The following TARS3 variants were observed in gnomAD, a reference collection of about 807,000 sequenced individuals.
The protein encoded by TARS3 is threonyl-tRNA synthetase 3.
In TARS3, 94 loss-of-function variants were observed where a neutral mutation model predicts 103.5. The observed-to-expected ratio is 0.91, with a 90% CI of 0.77 to 1.08. The LOEUF (loss-of-function observed/expected upper bound fraction) is 1.08, where lower values mean the gene tolerates loss of function less well. Ranked by LOEUF, TARS3 falls within the 50% of genes least tolerant of loss-of-function variation. TARS3 has a pLI of 0.00. For missense variants in TARS3, 952 were observed against 995.2 expected, an observed-to-expected ratio of 0.96 and a Z score of 0.58; for synonymous variants, 416 against 355.4, an observed-to-expected ratio of 1.17 and a Z score of -1.92.
rs553495651 is a variant in TARS3, at chr15:101,657,403, C to T, written c.2146-367G>A. On this transcript the variant is annotated intron_variant, in intron 17 of 18. Transcript: ENST00000335968. ...GACTGCAGCCCCAGGAGACGCTCTGCGCCAGAATCCACCAGCTGAGCTGCT... is the reference window on the plus strand; with the variant it reads ...GACTGCAGCCCCAGGAGACGCTCTGTGCCAGAATCCACCAGCTGAGCTGCT... Among the ~76,000 whole-genome samples the T allele has an allele frequency of 1.4e-3, 215 of 152,264 alleles. 1 individual carries two copies. The highest frequency in any genetic ancestry group is 5.0e-3 in the African/African-American group (208 of 41,530).
intron 3 of TARS3, among the ~76,000 whole-genome samples, chr15:101,720,231 AATG>A (rs1191165570): frequency 3.3e-5 from 5 of 152,222 alleles, no homozygotes; most frequent in Admixed American, 2.6e-4. Context: ...TTGCTTTTTA[AATG>A]ATGAACATTT....
chr15:101,713,767 T>C (rs891006953), intron 4 of TARS3, among the ~76,000 whole-genome samples: 1 of 152,218 alleles, frequency 6.6e-6, no homozygotes, highest in Non-Finnish European at 1.5e-5. Context: ...GTACAATATC[T>C]ACATGCAGAT....
At chr15:101,689,153 G>T (rs1169349582) in intron 10 of TARS3, among the ~76,000 whole-genome samples, 1 of 152,124 alleles carries the variant, frequency 6.6e-6, no homozygotes, top group Non-Finnish European at 1.5e-5. Context: ...CAATTACTTG[G>T]GGAAAGACTT....
At chr15:101,702,425 T>C in intron 8 of TARS3, 40 bp from the exon 9 acceptor site, 1 of 1,556,106 alleles carries the variant, frequency 6.4e-7, no homozygotes, top group Non-Finnish European at 8.9e-7. Context: ...TATCATACAT[T>C]CAGTTGTAAG....
At position 101,654,473 on chromosome 15, in the gene TARS3, A is replaced by C; in HGVS notation, c.*109T>G. On this transcript the variant is annotated 3_prime_UTR_variant, in exon 19 of 19. Transcript: ENST00000335968. Reference sequence around the variant, plus strand: ...GTCTCCTTTCTCAGCTGAGGCCATGAGTGGACCCATCAGTGGCTCCAAAGT... The same window carrying C: ...GTCTCCTTTCTCAGCTGAGGCCATGCGTGGACCCATCAGTGGCTCCAAAGT... 1 of 1,136,984 alleles carries C rather than the reference A, an allele frequency of 8.8e-7. No homozygotes were observed. The highest frequency in any genetic ancestry group is 1.2e-6 in the Non-Finnish European group (1 of 802,838). The allele number at this position is 1,136,984 out of a possible 1,614,324, so 70.4% of individuals were successfully genotyped here.
intron 12 of TARS3, among the ~76,000 whole-genome samples, chr15:101,680,536 G>A (rs762770217): frequency 5.3e-5 from 8 of 152,164 alleles, no homozygotes; most frequent in Non-Finnish European, 1.0e-4. Context: ...AGAGTCTCGT[G>A]TTTGTTTTAT....
At chr15:101,663,776 A>G (rs1336392282) in intron 15 of TARS3, among the ~76,000 whole-genome samples, 1 of 152,170 alleles carries the variant, frequency 6.6e-6, no homozygotes, top group Non-Finnish European at 1.5e-5. Context: ...GCTTTCATGT[A>G]TTTGTAATCC....
chr15:101,703,190 G>A (rs1334718979), intron 8 of TARS3, among the ~76,000 whole-genome samples: 2 of 152,134 alleles, frequency 1.3e-5, no homozygotes, highest in African/African-American at 4.8e-5. Flanking sequence ...CCCTCCTGCT[G>A]TTTTCTTTAT....
At chr15:101,676,984 A>G (rs1898053253) in intron 12 of TARS3, among the ~76,000 whole-genome samples, 1 of 151,840 alleles carries the variant, frequency 6.6e-6, no homozygotes, top group African/African-American at 2.4e-5. Flanking sequence ...GACAGGCCCC[A>G]GTGTGTGTTG....
At chr15:101,681,948 TTTA>T (rs1250626616) in intron 12 of TARS3, among the ~76,000 whole-genome samples, 11 of 152,174 alleles carry the variant, frequency 7.2e-5, no homozygotes, top group East Asian at 3.8e-4. Flanking sequence ...TTTCCAAGGG[TTTA>T]TTATTATGAA....
At chr15:101,658,311 CAAAA>C (rs36121104) in intron 16 of TARS3, among the ~76,000 whole-genome samples, 3 of 70,148 alleles carry the variant, frequency 4.3e-5, no homozygotes, top group Non-Finnish European at 7.5e-5. Context: ...ACACCATCAG[CAAAA>C]AAAAAAAAAA....
At chr15:101,694,615 T>C (rs1345499214) in intron 10 of TARS3, among the ~76,000 whole-genome samples, 2 of 152,114 alleles carry the variant, frequency 1.3e-5, no homozygotes, top group African/African-American at 2.4e-5. Context: ...CACAGGCAGA[T>C]AGACTGAAAA....
At chr15:101,657,186 A>C (rs1186267055) in intron 17 of TARS3, 150 bp from the exon 18 acceptor site, 3 of 556,290 alleles carry the variant, frequency 5.4e-6, no homozygotes, top group Non-Finnish European at 9.5e-6. Flanking sequence ...AGAAGTGCGG[A>C]AGTGTCGGCG....
At chr15:101,659,190 G>A (rs1037600591) in intron 16 of TARS3, among the ~76,000 whole-genome samples, 2 of 152,174 alleles carry the variant, frequency 1.3e-5, no homozygotes, top group East Asian at 3.8e-4. Flanking sequence ...AACAGTGTCC[G>A]CTGTGGGACA....
chr15:101,681,745 T>G (rs1898263833), intron 12 of TARS3, among the ~76,000 whole-genome samples: 1 of 152,030 alleles, frequency 6.6e-6, no homozygotes, highest in South Asian at 2.1e-4. Context: ...GAGGGTTCCA[T>G]CTTCATAATC....
intron 10 of TARS3, among the ~76,000 whole-genome samples, chr15:101,688,546 T>C (rs1293524300): frequency 6.6e-6 from 1 of 152,154 alleles, no homozygotes; most frequent in Non-Finnish European, 1.5e-5. Context: ...TCTAAATAGC[T>C]TCTAAGAATC....
intron 12 of TARS3, among the ~76,000 whole-genome samples, chr15:101,682,151 G>A (rs904104420): frequency 6.6e-6 from 1 of 152,102 alleles, no homozygotes; most frequent in Non-Finnish European, 1.5e-5. Flanking sequence ...GCATCAGAAA[G>A]AACCTGCAGT....
intron 12 of TARS3, among the ~76,000 whole-genome samples, chr15:101,678,007 G>A (rs2141399042): frequency 6.7e-6 from 1 of 148,548 alleles, no homozygotes; most frequent in South Asian, 2.1e-4. Flanking sequence ...TTTTGAGATG[G>A]AGTATCACTG....
At chr15:101,666,307 C>T (rs1897576875) in intron 15 of TARS3, among the ~76,000 whole-genome samples, 1 of 151,816 alleles carries the variant, frequency 6.6e-6, no homozygotes, top group African/African-American at 2.4e-5. Context: ...GAAACCCTGT[C>T]TCCACTAAAA....
Sources: allele counts gnomAD v4.1 joint callset (sites outside exome capture counted in the v4.1 genomes callset), GRCh38; gene constraint gnomAD v4.1.1; transcripts MANE v1.5; gene names NCBI Gene and HGNC (gene_info 2026-07-23, HGNC 2026-07-21).